BCLAF1: variants seen among roughly 807,000 people sequenced by gnomAD.
The protein encoded by BCLAF1 is bcl-2-associated transcription factor 1.
Under a neutral mutation model 99.5 loss-of-function variants are expected in BCLAF1, and 10 were observed. The observed-to-expected ratio is 0.10, with a 90% CI of 0.06 to 0.17. BCLAF1 has a LOEUF of 0.17. Ranked by LOEUF, BCLAF1 falls within the 10% of genes least tolerant of loss-of-function variation. The probability of loss-of-function intolerance (pLI) is 1.00; values close to 1 mark genes in which losing one functional copy is unlikely to be tolerated. For synonymous variants in BCLAF1, 255 were observed against 370.9 expected (o/e 0.69, Z 3.59); for missense variants, 636 against 1,105.8 (o/e 0.58, Z 6.02).
At chr6:136,284,146 A>G (rs1351791206) in intron 1 of BCLAF1, among the ~76,000 whole-genome samples, 2 of 146,282 alleles carry the variant, frequency 1.4e-5, no homozygotes, top group African/African-American at 2.6e-5. Flanking sequence ...ATATATATAT[A>G]TATATATATA....
rs1160978459 is a variant in BCLAF1 at position 136,259,983 on chromosome 6, G to C, written c.*1127C>G. The C allele has an allele frequency of 6.6e-6, 1 of 151,948 alleles. No homozygotes were observed. The allele number at this position is 151,948 out of a possible 1,614,324, so 9.4% of individuals were successfully genotyped here. ...GAACTCTTAAGAGGAAAAAGAAAAA[G>C]CCATTCTACAAAAACTGCAACTGAA... On this transcript the variant is annotated 3_prime_UTR_variant, in exon 13 of 13. Coordinates refer to ENST00000531224, the MANE Select transcript of BCLAF1 (RefSeq NM_014739.3).
At chr6:136,271,817 T>G in intron 8 of BCLAF1, 178 bp downstream of exon 8, 3 of 472,288 alleles carry the variant, frequency 6.4e-6, no homozygotes, top group Non-Finnish European at 1.1e-5. Flanking sequence ...TTAAGACACT[T>G]AGTATAGTGT....
intron 12 of BCLAF1, 55 bp downstream of exon 12, chr6:136,261,210 C>T: frequency 6.4e-7 from 1 of 1,569,930 alleles, no homozygotes; most frequent in Non-Finnish European, 8.6e-7. Flanking sequence ...AATAATTCAC[C>T]CACCAAACCT....
intron 10 of BCLAF1, among the ~76,000 whole-genome samples, chr6:136,267,601 C>T (rs561044582): frequency 6.9e-4 from 105 of 151,774 alleles, no homozygotes; most frequent in Non-Finnish European, 1.4e-3. Context: ...GATACTCGCT[C>T]AAGGTAGGAG....
chr6:136,266,861 G>C (rs1781787346), intron 11 of BCLAF1, among the ~76,000 whole-genome samples, 168 bp downstream of exon 11: 2 of 151,956 alleles, frequency 1.3e-5, no homozygotes, highest in East Asian at 1.9e-4. Flanking sequence ...GGACTAAAGG[G>C]ACCCACATTT....
At chr6:136,288,030 C>G (rs956843795) in intron 1 of BCLAF1, among the ~76,000 whole-genome samples, 2 of 152,170 alleles carry the variant, frequency 1.3e-5, no homozygotes, top group Admixed American at 6.5e-5. Flanking sequence ...AAGAATCAGT[C>G]AATCAACCAG....
intron 3 of BCLAF1, chr6:136,279,537 C>T (rs1157006788): frequency 3.2e-6 from 1 of 310,120 alleles, no homozygotes; most frequent in Non-Finnish European, 5.6e-6. Context: ...AAATTTGAGA[C>T]CTGGAGTCAG....
rs1361283255 is a variant in BCLAF1, at chr6:136,269,517, G to T, written c.2139C>A (p.Gly713=). 6.2e-7 allele frequency: 1 copy of T among 1,612,412 alleles called. No individual in the cohort carries two copies. The highest frequency in any genetic ancestry group is 8.5e-7 in the Non-Finnish European group (1 of 1,178,962). The change falls in exon 9 of 13, where the codon GGC becomes GGA. Residue 713 remains glycine (G), a synonymous_variant. Coordinates refer to ENST00000531224, the MANE Select transcript of BCLAF1 (RefSeq NM_014739.3). ...TTCTTGATCCACTGGATTCCCTGGA[G>T]CCCTTGGAATCTCCCCGTTCTTTAC... is the stretch of plus-strand genomic sequence containing the variant. The part of the protein sequence containing the change: ...ERSKERGDSK[G]SRESSGSRKQ...
chr6:136,270,610 A>G (rs1459192897), intron 8 of BCLAF1, among the ~76,000 whole-genome samples: 3 of 151,878 alleles, frequency 2.0e-5, no homozygotes, highest in Non-Finnish European at 4.4e-5. Context: ...CTTCCTATTC[A>G]CCTAGGTATT....
At position 136,257,062 on chromosome 6, in the gene BCLAF1, C is replaced by T. The variant is rs894860841; in HGVS notation, c.*4048G>A. ...TAATGAAATCTGGAAGCTGGCCAAC[C>T]CCAAAAGATTAAGAAAAATTCGATG... On this transcript the variant is annotated 3_prime_UTR_variant, in exon 13 of 13. Transcript: ENST00000531224. 6 of 152,012 alleles carry T rather than the reference C, an allele frequency of 3.9e-5. No individual in the cohort carries two copies. The highest frequency in any genetic ancestry group is 2.6e-4 in the Admixed American group (4 of 15,268). 9.4% of individuals were successfully genotyped at this position (152,012 alleles called of 1,614,324 possible).
At chr6:136,267,353 C>A (rs1449922518) in intron 10 of BCLAF1, among the ~76,000 whole-genome samples, 178 bp from the exon 11 acceptor site, 1 of 151,960 alleles carries the variant, frequency 6.6e-6, no homozygotes, top group Non-Finnish European at 1.5e-5. Flanking sequence ...TTTCTGCCAA[C>A]TAAAAGTTGA....
intron 1 of BCLAF1, among the ~76,000 whole-genome samples, chr6:136,284,728 C>G (rs1022631182): frequency 6.6e-6 from 1 of 152,106 alleles, no homozygotes; most frequent in Non-Finnish European, 1.5e-5. Flanking sequence ...GTTGGGAATA[C>G]AGCATTTTAA....
intron 3 of BCLAF1, 83 bp downstream of exon 3, chr6:136,279,677 TGGG>T: frequency 1.6e-6 from 2 of 1,226,266 alleles, no homozygotes; most frequent in Non-Finnish European, 2.1e-6. Flanking sequence ...AAATACATTT[TGGG>T]GTTTAGCACT....
rs567660108 is a variant in BCLAF1, at chr6:136,267,268, T to C, written c.2398-93A>G. On this transcript the variant is annotated intron_variant, in intron 10 of 12. Transcript: ENST00000531224. ...TTTTACTGCAGTAACAAAAAACATATGCCCTAATTTCCTATCTAAATCTCA... is the reference window on the plus strand; with the variant it reads ...TTTTACTGCAGTAACAAAAAACATACGCCCTAATTTCCTATCTAAATCTCA... 51 of 1,358,538 alleles carry C rather than the reference T, an allele frequency of 3.8e-5. No individual in the cohort carries two copies. The East Asian group carries it at 1.2e-3, about 32-fold the overall frequency. 84.2% of individuals were successfully genotyped at this position (1,358,538 alleles called of 1,614,324 possible).
At chr6:136,273,244 G>A in intron 6 of BCLAF1, 57 bp from the exon 7 acceptor site, 1 of 1,448,072 alleles carries the variant, frequency 6.9e-7, no homozygotes, top group South Asian at 1.2e-5. Context: ...AGAGAGATTT[G>A]TTTGTGACAG....
intron 10 of BCLAF1, among the ~76,000 whole-genome samples, chr6:136,267,471 G>A (rs892164977): frequency 1.3e-5 from 2 of 151,834 alleles, no homozygotes; most frequent in Admixed American, 1.3e-4. Flanking sequence ...GTCAAAAGTT[G>A]TCTAATTTCT....
chr6:136,286,196 G>C (rs1462781061), intron 1 of BCLAF1, among the ~76,000 whole-genome samples: 1 of 152,172 alleles, frequency 6.6e-6, no homozygotes, highest in Admixed American at 6.6e-5. Flanking sequence ...AAGCATACTT[G>C]ATCCCAGTCT....
chr6:136,263,830 AC>A (rs775451302), intron 11 of BCLAF1, among the ~76,000 whole-genome samples: 17 of 152,192 alleles, frequency 1.1e-4, no homozygotes, highest in Admixed American at 2.6e-4. Context: ...TCAGGTTCTA[AC>A]TAAAACTAGT....
At chr6:136,269,278 C>T (rs1782168427) in intron 9 of BCLAF1, 159 bp downstream of exon 9, 1 of 1,517,968 alleles carries the variant, frequency 6.6e-7, no homozygotes, top group African/African-American at 1.4e-5. Flanking sequence ...CCACCATAAG[C>T]CGTGTAAAAG....
Sources: gnomAD v4.1 joint callset for allele counts (sites outside exome capture counted in the v4.1 genomes callset) on GRCh38, gnomAD v4.1.1 for gene constraint, MANE v1.5 for transcripts, NCBI Gene and HGNC (gene_info 2026-07-23, HGNC 2026-07-21) for gene names.